The following GPD1L variants were observed in gnomAD, a reference collection of about 807,000 sequenced individuals.
GPD1L encodes glycerol-3-phosphate dehydrogenase 1 like.
Under a neutral mutation model 32.9 loss-of-function variants are expected in GPD1L, and 17 were observed. That is an observed-to-expected ratio of 0.52 (90% CI 0.35 to 0.78). The LOEUF is 0.78. Ranked by LOEUF, GPD1L falls within the 30% of genes least tolerant of loss-of-function variation. The pLI is 0.01. For missense variants in GPD1L, 361 were observed against 447.8 expected, an observed-to-expected ratio of 0.81 and a Z score of 1.75; for synonymous variants, 187 against 165.9, an observed-to-expected ratio of 1.13 and a Z score of -0.98.
chr3:32,112,831 C>T (rs1480925636), intron 1 of GPD1L, among the ~76,000 whole-genome samples: 1 of 151,952 alleles, frequency 6.6e-6, no homozygotes, highest in African/African-American at 2.4e-5. Flanking sequence ...GATGTTATTT[C>T]GTTTAAACAT....
chr3:32,137,823 A>G (rs1575114730), intron 2 of GPD1L, among the ~76,000 whole-genome samples: 1 of 152,198 alleles, frequency 6.6e-6, no homozygotes, highest in African/African-American at 2.4e-5. Context: ...TTTCTATATC[A>G]TTTAGTCCTC....
intron 7 of GPD1L, among the ~76,000 whole-genome samples, chr3:32,160,831 T>C (rs1701064764): frequency 6.6e-6 from 1 of 152,182 alleles, no homozygotes; most frequent in Admixed American, 6.5e-5. Flanking sequence ...CAGCACTTTC[T>C]CTTGCCGATT....
Position 32,106,648 on chromosome 3 carries a change from G to C in GPD1L, c.-64G>C, listed in dbSNP as rs569210469. ...GCCGCCAGCCGCTGCGGGCAAGGCTGAACAGGCGGAGGTGGGCAGCCGGCC... is the reference window on the plus strand; with the variant it reads ...GCCGCCAGCCGCTGCGGGCAAGGCTCAACAGGCGGAGGTGGGCAGCCGGCC... On this transcript the variant is annotated 5_prime_UTR_variant, in exon 1 of 8. Transcript: ENST00000282541. This position sits in a 1 kb window ranked among gnomAD's most constrained non-coding sequence, Gnocchi z 4.0. 20 of 1,440,966 alleles carry C rather than the reference G, an allele frequency of 1.4e-5. No individual in the cohort carries two copies. The South Asian group carries it at 2.2e-4, about 16-fold the overall frequency. The allele number at this position is 1,440,966 out of a possible 1,614,324, so 89.3% of individuals were successfully genotyped here. A position where few individuals can be genotyped will look rare whatever the true frequency, so the allele number is the denominator to read the frequency against.
chr3:32,147,467 C>A (rs1177651110), intron 5 of GPD1L, among the ~76,000 whole-genome samples: 1 of 152,058 alleles, frequency 6.6e-6, no homozygotes, highest in Non-Finnish European at 1.5e-5. Context: ...GGGCTCCTGA[C>A]TTGTTGGCTG....
Position 32,121,579 on chromosome 3 carries a change from A to G in GPD1L, c.48-6497A>G, listed in dbSNP as rs1426837105. On this transcript the variant is annotated intron_variant, in intron 1 of 7. Transcript: ENST00000282541. ...TATATTTCTATGTATATATTTCTAT[A>G]TATATATTTCTATATATATATTTCT... Among the ~76,000 whole-genome samples the G allele has an allele frequency of 4.3e-4, 56 of 131,608 alleles. 2 individuals carry two copies. The highest frequency in any genetic ancestry group is 3.0e-3 in the South Asian group (13 of 4,362). The allele number at this position is 131,608 out of a possible 152,430, so 86.3% of individuals were successfully genotyped here.
chr3:32,108,265 A>C (rs1411301694), intron 1 of GPD1L, among the ~76,000 whole-genome samples: 2 of 152,148 alleles, frequency 1.3e-5, no homozygotes, highest in African/African-American at 4.8e-5. Flanking sequence ...CACGCTTGTA[A>C]TCCCAGCACT....
At position 32,127,969 on chromosome 3, in the gene GPD1L, G is replaced by C. The variant is rs141563090; in HGVS notation, c.48-107G>C. The C allele has an allele frequency of 4.4e-4, 353 of 809,144 alleles. 1 individual carries two copies. In the African/African-American group the frequency reaches 5.3e-3, roughly 12 times the overall value. The allele number at this position is 809,144 out of a possible 1,614,324, so 50.1% of individuals were successfully genotyped here. On this transcript the variant is annotated intron_variant, in intron 1 of 7. Coordinates refer to ENST00000282541, the MANE Select transcript of GPD1L (RefSeq NM_015141.4). ...ACACGTCACATCTTGAGTAGGCTCAGTGTTTGAATCAGAATCAAAACACAA... is the reference window on the plus strand; with the variant it reads ...ACACGTCACATCTTGAGTAGGCTCACTGTTTGAATCAGAATCAAAACACAA...
At chr3:32,158,039 C>A (rs990655990) in intron 5 of GPD1L, among the ~76,000 whole-genome samples, 3 of 152,190 alleles carry the variant, frequency 2.0e-5, no homozygotes, top group Admixed American at 6.5e-5. Context: ...TCATACCCAA[C>A]AGGATTGCCT....
In GPD1L at chr3:32,140,111, C is replaced by T. The variant is rs978199736; in HGVS notation, c.367-117C>T. The T allele has an allele frequency of 6.0e-6, 6 of 998,456 alleles. No individual in the cohort carries two copies. The African/African-American group carries it at 9.5e-5, about 16-fold the overall frequency. The allele number at this position is 998,456 out of a possible 1,614,324, so 61.8% of individuals were successfully genotyped here. On this transcript the variant is annotated intron_variant, in intron 3 of 7. Transcript: ENST00000282541. ...AAGCTGTACATAGGCAGTATAGATG[C>T]TTTTACTCTTGTAAGTAGGAGACAT...
At chr3:32,112,946 C>A (rs189625458) in intron 1 of GPD1L, among the ~76,000 whole-genome samples, 1 of 152,266 alleles carries the variant, frequency 6.6e-6, no homozygotes, top group African/African-American at 2.4e-5. Context: ...GGACTTGAAA[C>A]CCAGATCCTT....
At chr3:32,136,255 C>G (rs1700658691) in intron 2 of GPD1L, among the ~76,000 whole-genome samples, 1 of 152,192 alleles carries the variant, frequency 6.6e-6, no homozygotes. Context: ...TTCCAGACTT[C>G]ACAGCAGCAT....
At chr3:32,150,544 T>C (rs1391884373) in intron 5 of GPD1L, among the ~76,000 whole-genome samples, 2 of 151,012 alleles carry the variant, frequency 1.3e-5, no homozygotes, top group African/African-American at 2.4e-5. Context: ...TGGAGTGCAG[T>C]GGTGTGATCT....
chr3:32,132,777 A>C (rs996543746), intron 2 of GPD1L, among the ~76,000 whole-genome samples: 2 of 152,000 alleles, frequency 1.3e-5, no homozygotes, highest in African/African-American at 4.8e-5. Context: ...TGCTTTGGGA[A>C]CCATGGGGGT....
At chr3:32,129,272 C>T (rs1700554996) in intron 2 of GPD1L, among the ~76,000 whole-genome samples, 1 of 152,206 alleles carries the variant, frequency 6.6e-6, no homozygotes, top group Non-Finnish European at 1.5e-5. Flanking sequence ...TGAGCATGCA[C>T]TGTGCATGCA....
At chr3:32,161,781 G>T (rs1490317896) in intron 7 of GPD1L, among the ~76,000 whole-genome samples, 2 of 152,186 alleles carry the variant, frequency 1.3e-5, no homozygotes, top group African/African-American at 2.4e-5. Flanking sequence ...TATTTCTTCT[G>T]ATTAGAGATT....
intron 5 of GPD1L, among the ~76,000 whole-genome samples, chr3:32,150,691 TGGC>T (rs1700907111): frequency 6.6e-6 from 1 of 152,212 alleles, no homozygotes; most frequent in African/African-American, 2.4e-5. Flanking sequence ...TTTGCCATGT[TGGC>T]CAGGCTGTAG....
chr3:32,151,305 A>G, intron 5 of GPD1L: 1 of 637,676 alleles, frequency 1.6e-6, no homozygotes, highest in South Asian at 1.7e-5. Context: ...ATTCTTGGCA[A>G]GAATCTTGCC....
intron 1 of GPD1L, among the ~76,000 whole-genome samples, chr3:32,125,782 C>A (rs1176501218): frequency 0.035 from 5,281 of 152,264 alleles, 303 homozygotes; most frequent in African/African-American, 0.12. Flanking sequence ...TTACCACCAT[C>A]TGGCCCAATG....
At chr3:32,153,802 T>C (rs1469305654) in intron 5 of GPD1L, among the ~76,000 whole-genome samples, 1 of 152,200 alleles carries the variant, frequency 6.6e-6, no homozygotes, top group Non-Finnish European at 1.5e-5. Context: ...TTATTCTTTT[T>C]GTGGGAAGGT....
Sources: allele counts gnomAD v4.1 joint callset (sites outside exome capture counted in the v4.1 genomes callset), GRCh38; gene constraint gnomAD v4.1.1; non-coding constraint Gnocchi (gnomAD v3.1); transcripts MANE v1.5; gene names NCBI Gene and HGNC (gene_info 2026-07-23, HGNC 2026-07-21).